COA1: variants seen among roughly 807,000 people sequenced by gnomAD.
COA1 encodes the protein cytochrome c oxidase assembly factor 1 homolog.
COA1 carries 13 observed loss-of-function variants against 16.0 expected under a neutral mutation model. The observed-to-expected ratio is 0.81, with a 90% CI of 0.53 to 1.29. The LOEUF (loss-of-function observed/expected upper bound fraction) is 1.29, where lower values mean the gene tolerates loss of function less well. COA1 is among the 50% of genes most tolerant of loss of function. The pLI is 0.00. For missense variants in COA1, 179 were observed against 177.0 expected (o/e 1.01, Z -0.06); for synonymous variants, 65 against 65.7 (o/e 0.99, Z 0.05).
At chr7:43,685,154 TAAAA>T (rs35252235) in intron 1 of COA1, among the ~76,000 whole-genome samples, 4 of 127,128 alleles carry the variant, frequency 3.1e-5, no homozygotes, top group Non-Finnish European at 1.7e-5. Context: ...TCCCATCTCT[TAAAA>T]AAAAAAAAAA....
At chr7:43,648,046 C>T (rs745539442) in intron 2 of COA1, 10 of 197,098 alleles carry the variant, frequency 5.1e-5, no homozygotes, top group Non-Finnish European at 8.3e-5. Flanking sequence ...TGTAAGCCTG[C>T]GAATGGGCTG....
intron 2 of COA1, chr7:43,647,954 C>A: frequency 3.4e-6 from 1 of 298,322 alleles, no homozygotes; most frequent in Non-Finnish European, 6.2e-6. Flanking sequence ...GTGCCAAGCC[C>A]CGCATGGCCA....
intron 1 of COA1, among the ~76,000 whole-genome samples, chr7:43,706,553 TAAAAAATA>T (rs933067697): frequency 7.2e-5 from 10 of 138,594 alleles, no homozygotes; most frequent in African/African-American, 8.1e-5. Context: ...TCTTAAAAAA[TAAAAAATA>T]AAAAAATAAA....
intron 1 of COA1, among the ~76,000 whole-genome samples, chr7:43,655,748 A>G (rs940484710): frequency 4.6e-5 from 7 of 152,176 alleles, no homozygotes; most frequent in South Asian, 2.1e-4. Flanking sequence ...TCTTCCCCCA[A>G]TTAATCCAAC....
chr7:43,700,885 C>T (rs1563416417), intron 1 of COA1, among the ~76,000 whole-genome samples: 1 of 152,156 alleles, frequency 6.6e-6, no homozygotes, highest in East Asian at 1.9e-4. Context: ...CGACTCACAG[C>T]AATGATGCCA....
chr7:43,681,802 G>A (rs1357933653), intron 1 of COA1, among the ~76,000 whole-genome samples: 1 of 152,028 alleles, frequency 6.6e-6, no homozygotes, highest in Non-Finnish European at 1.5e-5. Context: ...ACATCAACAG[G>A]AACATTCTGT....
In COA1 at chr7:43,647,592, G is replaced by A. The variant is rs773883424; in HGVS notation, c.58C>T (p.Leu20Phe). The stretch of plus-strand genomic sequence containing the variant: ...CCGGCATAGAACACACCGTGGAAAA[G>A]GATCCTTGCTCCCAGAGGCATTGAC... ...RRSMPLGARI[L>F]FHGVFYAGGF... is the part of the protein sequence containing the mutation. The change falls in exon 3 of 6, where the codon CTT (leucine) becomes TTT (phenylalanine). Residue 20 changes from leucine to phenylalanine, a missense_variant. Leu to Phe is a conservative substitution (Grantham distance 22). Transcript: ENST00000223336. 1.2e-6 allele frequency: 2 copies of A among 1,614,008 alleles called. No homozygotes were observed. Among genetic ancestry groups the A allele is most frequent in the Non-Finnish European group, 1.7e-6 (2 of 1,179,902 alleles).
At chr7:43,657,557 G>A (rs77667360) in intron 1 of COA1, among the ~76,000 whole-genome samples, 130 of 152,204 alleles carry the variant, frequency 8.5e-4, no homozygotes, top group Non-Finnish European at 1.7e-3. Flanking sequence ...AAAACCAGGC[G>A]CCGTGCTAGG....
chr7:43,691,968 G>C (rs2094387011), intron 1 of COA1, among the ~76,000 whole-genome samples: 1 of 152,140 alleles, frequency 6.6e-6, no homozygotes, highest in South Asian at 2.1e-4. Context: ...CTCAGCAAAG[G>C]CTCATCTGCA....
chr7:43,713,480 C>T (rs547486910), intron 1 of COA1, among the ~76,000 whole-genome samples: 2 of 152,288 alleles, frequency 1.3e-5, no homozygotes, highest in Admixed American at 6.5e-5. Flanking sequence ...TCCCTACCTA[C>T]CTTCCCCTCT....
At chr7:43,687,134 T>TC (rs2094073209) in intron 1 of COA1, among the ~76,000 whole-genome samples, 1 of 152,184 alleles carries the variant, frequency 6.6e-6, no homozygotes, top group South Asian at 2.1e-4. Flanking sequence ...GACCAATGCT[T>TC]CCCCAGGATG....
At chr7:43,661,219 T>C (rs552525096) in intron 1 of COA1, among the ~76,000 whole-genome samples, 2 of 152,382 alleles carry the variant, frequency 1.3e-5, no homozygotes, top group South Asian at 4.1e-4. Flanking sequence ...AGGCTAGGAT[T>C]GGGTTTTCCA....
intron 1 of COA1, among the ~76,000 whole-genome samples, chr7:43,726,384 C>T (rs965496124): frequency 2.6e-5 from 4 of 152,124 alleles, no homozygotes; most frequent in African/African-American, 9.7e-5. Context: ...AGCCAGAAGG[C>T]TTTTAGAGGC....
rs554550101 is a variant in COA1, at chr7:43,655,423, G to C, written c.-38-6771C>G. On this transcript the variant is annotated intron_variant, in intron 1 of 5. Coordinates refer to ENST00000223336, the MANE Select transcript of COA1 (RefSeq NM_018224.4). ...CCCAGCACTTTGGGAGGCCGAGGCA[G>C]GCAGATCACTTAAGGTCAGGAGTTC... is the stretch of plus-strand genomic sequence containing the variant. Among the ~76,000 whole-genome samples, 215 of 152,304 alleles carry C rather than the reference G, an allele frequency of 1.4e-3. 1 individual carries two copies. Among genetic ancestry groups the C allele is most frequent in the Non-Finnish European group, 2.5e-3 (173 of 68,028 alleles).
At chr7:43,691,327 AAGAGAAAG>A (rs2094309002) in intron 1 of COA1, among the ~76,000 whole-genome samples, 18 of 90,478 alleles carry the variant, frequency 2.0e-4, no homozygotes, top group Non-Finnish European at 3.0e-4. Context: ...GAAAGAAAGA[AAGAGAAAG>A]AGAGAGAGGG....
At chr7:43,637,034 T>A (rs1418437855), downstream of COA1, among the ~76,000 whole-genome samples, 1 of 152,254 alleles carries the variant, frequency 6.6e-6, no homozygotes, top group African/African-American at 2.4e-5. Context: ...ACAGCTCCCA[T>A]CTGCCCGCTC....
chr7:43,713,507 G>A (rs2095312545), intron 1 of COA1, among the ~76,000 whole-genome samples: 1 of 152,016 alleles, frequency 6.6e-6, no homozygotes, highest in Non-Finnish European at 1.5e-5. Flanking sequence ...CCAAGTCTCT[G>A]GTAAGTTTTA....
chr7:43,708,854 C>T (rs1342726851), intron 1 of COA1, among the ~76,000 whole-genome samples: 1 of 152,086 alleles, frequency 6.6e-6, no homozygotes, highest in Non-Finnish European at 1.5e-5. Flanking sequence ...TCTTTTCCTA[C>T]TCTTTGGCTT....
rs192128814 is a variant in COA1, at chr7:43,658,338, G to A, written c.-38-9686C>T. Among the ~76,000 whole-genome samples the A allele has an allele frequency of 2.9e-3, 435 of 151,298 alleles. 2 individuals carry two copies. Among genetic ancestry groups the A allele is most frequent in the African/African-American group, 9.4e-3 (387 of 41,214 alleles). On this transcript the variant is annotated intron_variant, in intron 1 of 5. Transcript: ENST00000223336. ...TGCGCCACTGCACTCCAGCCTGGGC[G>A]ACACAGCGAGACTGTCTCAAAAAAA... is the stretch of plus-strand genomic sequence containing the variant.
Sources: gnomAD v4.1 joint callset for allele counts (sites outside exome capture counted in the v4.1 genomes callset) on GRCh38, gnomAD v4.1.1 for gene constraint, MANE v1.5 for transcripts, NCBI Gene and HGNC (gene_info 2026-07-23, HGNC 2026-07-21) for gene names.